The following RAP1GAP2 variants were observed in gnomAD, a reference collection of about 807,000 sequenced individuals.
RAP1GAP2 encodes the protein RAP1 GTPase activating protein 2, also known as rap1 GTPase-activating protein 2.
A neutral mutation model predicts 95.0 loss-of-function variants in RAP1GAP2; 27 were observed. The observed-to-expected ratio is 0.28, with a 90% confidence interval of 0.21 to 0.39. The LOEUF (loss-of-function observed/expected upper bound fraction) is 0.39. Among genes scored for constraint, RAP1GAP2 ranks in the 10% least tolerant of loss-of-function variants. The pLI, the probability that RAP1GAP2 is intolerant of heterozygous loss-of-function variation, is 1.00. For missense variants in RAP1GAP2, 771 were observed against 970.0 expected (o/e 0.79, Z 2.72); for synonymous variants, 373 against 380.9 (o/e 0.98, Z 0.24).
rs543276283 is a variant in RAP1GAP2 at position 2,906,470 on chromosome 17, C to T, written c.165+1102C>T. Among the ~76,000 whole-genome samples, 33 of 143,206 alleles carry T rather than the reference C, an allele frequency of 2.3e-4. No individual in the cohort carries two copies. Among genetic ancestry groups the T allele is most frequent in the Admixed American group, 9.6e-4 (14 of 14,534 alleles). The allele number at this position is 143,206 out of a possible 152,430, so 93.9% of individuals were successfully genotyped here. The stretch of plus-strand genomic sequence containing the variant: ...GGTGGGTTAAGTGGTCAGCGGTGGG[C>T]GGGGGGGCAGGACAGGGTGCAGGGC... On this transcript the variant is annotated intron_variant, in intron 3 of 24. Coordinates refer to ENST00000254695, the MANE Select transcript of RAP1GAP2 (RefSeq NM_015085.5). This position sits in a 1 kb window ranked among gnomAD's most constrained non-coding sequence, Gnocchi z 4.3.
intron 3 of RAP1GAP2, among the ~76,000 whole-genome samples, chr17:2,938,251 G>A (rs1183255818): frequency 6.6e-6 from 1 of 152,160 alleles, no homozygotes; most frequent in Non-Finnish European, 1.5e-5. Context: ...AACCCATGCA[G>A]CTTGTCAGCA....
In RAP1GAP2 at chr17:2,827,723, G is replaced by T. The variant is rs994716379; in HGVS notation, c.80+27173G>T. Among the ~76,000 whole-genome samples the T allele has an allele frequency of 3.9e-5, 6 of 151,998 alleles. No homozygotes were observed. The highest frequency in any genetic ancestry group is 9.7e-5 in the African/African-American group (4 of 41,360). On this transcript the variant is annotated intron_variant, in intron 2 of 24. Transcript: ENST00000254695. This position sits in a 1 kb window ranked among gnomAD's most constrained non-coding sequence, Gnocchi z 4.1. ...TCTTCTCCCAGCCCACCCGGCACCA[G>T]CCAGTTTGAGCTCTGACTGGGAACT...
Position 2,824,855 on chromosome 17 carries a change from G to C in RAP1GAP2, c.80+24305G>C, listed in dbSNP as rs1597379443. ...GGAGGCGGCGGCTGGAGATGCCTGT[G>C]GTGGTTCGAAAGGAAGCACCTGGAC... On this transcript the variant is annotated intron_variant, in intron 2 of 24. Transcript: ENST00000254695. Among the ~76,000 whole-genome samples, 4 of 152,138 alleles carry C rather than the reference G, an allele frequency of 2.6e-5. No homozygotes were observed. The South Asian group carries it at 6.3e-4, about 24-fold the overall frequency.
rs1401832391 is a variant in RAP1GAP2, at chr17:2,981,364, TAAG to T, written c.729+117_729+119del. On this transcript the variant is annotated intron_variant, in intron 10 of 24. Transcript: ENST00000254695. ...GTGGGGTTTCGTGGGGTCTCCATAA[TAAG>T]CTTCCATGTCTCCCTCTCTCCCTGC... 71 of 934,080 alleles carry T rather than the reference TAAG, an allele frequency of 7.6e-5. No individual in the cohort carries two copies. The South Asian group carries it at 9.9e-4, about 13-fold the overall frequency. The allele number at this position is 934,080 out of a possible 1,614,324, so 57.9% of individuals were successfully genotyped here. A position where few individuals can be genotyped will look rare whatever the true frequency, so the allele number is the denominator to read the frequency against.
At chr17:2,770,420 C>T (rs1029144796) in exon 2 of RAP1GAP2, 3 of 398,574 alleles carry the variant, frequency 7.5e-6, no homozygotes, top group Admixed American at 4.4e-5. Context: ...CATCCTCAGC[C>T]GGGCTGACCT....
intron 3 of RAP1GAP2, among the ~76,000 whole-genome samples, chr17:2,935,847 C>T (rs1479900868): frequency 6.6e-6 from 1 of 152,188 alleles, no homozygotes; most frequent in East Asian, 1.9e-4. Flanking sequence ...ATGCTCTCTT[C>T]ACCGGATTGC....
rs397976670 is a variant in RAP1GAP2 at position 2,771,499 on chromosome 17, G to GT, written c.167+1066dup. ...AGCCACTTTTTTGTTTTTTTTTTTT[G>GT]TTTTTTTTTTTTAGATAGAGTTTTG... On this transcript the variant is annotated intron_variant, in intron 2 of 25. Transcript: ENST00000637138. Among the ~76,000 whole-genome samples, 122 of 124,720 alleles carry GT rather than the reference G, an allele frequency of 9.8e-4. 1 individual carries two copies. The highest frequency in any genetic ancestry group is 4.1e-3 in the Middle Eastern group (1 of 242). The allele number at this position is 124,720 out of a possible 152,430, so 81.8% of individuals were successfully genotyped here. A position where few individuals can be genotyped will look rare whatever the true frequency, so the allele number is the denominator to read the frequency against.
chr17:2,823,550 G>T (rs938578135), intron 2 of RAP1GAP2, among the ~76,000 whole-genome samples: 2 of 152,150 alleles, frequency 1.3e-5, no homozygotes, highest in Non-Finnish European at 2.9e-5. Context: ...AGTGGAGGTG[G>T]TCCTGGACGC....
At chr17:2,854,961 G>A (rs2072070597) in intron 2 of RAP1GAP2, among the ~76,000 whole-genome samples, 1 of 152,160 alleles carries the variant, frequency 6.6e-6, no homozygotes, top group Admixed American at 6.5e-5. Flanking sequence ...TGACCCTGCT[G>A]GATCCTAGTT....
At chr17:2,819,690 ACTC>A (rs2070196738) in intron 2 of RAP1GAP2, among the ~76,000 whole-genome samples, 1 of 145,858 alleles carries the variant, frequency 6.9e-6, no homozygotes, top group African/African-American at 2.5e-5. Context: ...CTGGTCTTGA[ACTC>A]CTGACCTCAG....
chr17:3,006,899 T>G (rs1461198529), intron 16 of RAP1GAP2, among the ~76,000 whole-genome samples: 3 of 152,064 alleles, frequency 2.0e-5, no homozygotes, highest in Admixed American at 6.6e-5. Flanking sequence ...GTGCCAGCAC[T>G]AGGCTGGGAT....
At chr17:2,898,676 C>T (rs2041922337) in intron 2 of RAP1GAP2, among the ~76,000 whole-genome samples, 1 of 152,242 alleles carries the variant, frequency 6.6e-6, no homozygotes, top group African/African-American at 2.4e-5. Context: ...CCCCGTCCAC[C>T]TCTGCCTTCT....
Position 3,029,103 on chromosome 17 carries a change from T to TTTTTG in RAP1GAP2, c.2108-1799_2108-1795dup, listed in dbSNP as rs150434444. Among the ~76,000 whole-genome samples the TTTTTG allele has an allele frequency of 4.6e-5, 7 of 152,070 alleles. No individual in the cohort carries two copies. The highest frequency in any genetic ancestry group is 1.3e-4 in the Admixed American group (2 of 15,274). The stretch of plus-strand genomic sequence containing the variant: ...GTGAGCCACCGCGCCTGACCTGGTG[T>TTTTTG]TTTTGTTTTGTTTTGTTTTGTTTTC... On this transcript the variant is annotated intron_variant, in intron 22 of 24. Coordinates refer to ENST00000254695, the MANE Select transcript of RAP1GAP2 (RefSeq NM_015085.5). The surrounding 1 kb of genome is among the most constrained non-coding windows in gnomAD (Gnocchi z 4.4).
intron 3 of RAP1GAP2, among the ~76,000 whole-genome samples, chr17:2,932,849 G>A (rs1270949993): frequency 6.8e-6 from 1 of 147,772 alleles, no homozygotes. Context: ...AAAAAGAGCA[G>A]GGACCACGGG....
chr17:2,957,655 G>A, intron 3 of RAP1GAP2, 104 bp from the exon 4 acceptor site: 3 of 1,295,174 alleles, frequency 2.3e-6, no homozygotes, highest in Non-Finnish European at 3.2e-6. Flanking sequence ...TTGTCCCTGG[G>A]GAAGCCCCAG....
Position 2,827,380 on chromosome 17 carries a change from A to T in RAP1GAP2, c.80+26830A>T, listed in dbSNP as rs1254579919. ...AGTCAGGGAGGCAGATGAGAACAGA[A>T]TGAAGAACGCAGATGGTTTCAGACA... On this transcript the variant is annotated intron_variant, in intron 2 of 24. Coordinates refer to ENST00000254695, the MANE Select transcript of RAP1GAP2 (RefSeq NM_015085.5). The surrounding 1 kb of genome is among the most constrained non-coding windows in gnomAD (Gnocchi z 4.1). Among the ~76,000 whole-genome samples, 1 of 150,248 alleles carries T rather than the reference A, an allele frequency of 6.7e-6. No homozygotes were observed. Among genetic ancestry groups the T allele is most frequent in the Non-Finnish European group, 1.5e-5 (1 of 67,558 alleles).
In RAP1GAP2 at chr17:2,933,106, C is replaced by T. The variant is rs138936158; in HGVS notation, c.166-24653C>T. ...CTCCTCCATGAGCCAGCCAGCCAGACAGTGGGCAGGAGAGGGCGGGAAGAG... is the reference window on the plus strand; with the variant it reads ...CTCCTCCATGAGCCAGCCAGCCAGATAGTGGGCAGGAGAGGGCGGGAAGAG... On this transcript the variant is annotated intron_variant, in intron 3 of 24. Transcript: ENST00000254695. Among the ~76,000 whole-genome samples, 754 of 152,290 alleles carry T rather than the reference C, an allele frequency of 5.0e-3. 7 individuals are homozygous for T. Among genetic ancestry groups the T allele is most frequent in the African/African-American group, 0.017 (706 of 41,554 alleles).
Position 2,917,947 on chromosome 17 carries a change from C to T in RAP1GAP2, c.165+12579C>T, listed in dbSNP as rs180752477. On this transcript the variant is annotated intron_variant, in intron 3 of 24. Transcript: ENST00000254695. ...GCCAGGCTGGTGTCAAACTCCTGAC[C>T]TCAGGTGATCCACCTGCCTCGGCCT... Among the ~76,000 whole-genome samples the T allele has an allele frequency of 3.2e-4, 48 of 152,158 alleles. 1 individual carries two copies. The highest frequency in any genetic ancestry group is 2.6e-3 in the Admixed American group (40 of 15,280).
rs371344828 is a variant in RAP1GAP2, at chr17:2,977,614, G to C, written c.597-2673G>C. On this transcript the variant is annotated intron_variant, in intron 8 of 24. Transcript: ENST00000254695. ...ATAAAAATTAGCTGGGCGTGGTGGC[G>C]CATGCCTGTAATCCCAGCTACTCGG... is the stretch of plus-strand genomic sequence containing the variant. Among the ~76,000 whole-genome samples the C allele has an allele frequency of 1.1e-4, 17 of 151,816 alleles. 2 individuals carry two copies. The highest frequency in any genetic ancestry group is 2.0e-4 in the Admixed American group (3 of 15,240).
Sources: gnomAD v4.1 joint callset for allele counts (sites outside exome capture counted in the v4.1 genomes callset) on GRCh38, gnomAD v4.1.1 for gene constraint, Gnocchi (gnomAD v3.1) non-coding constraint, MANE v1.5 for transcripts, NCBI Gene and HGNC (gene_info 2026-07-23, HGNC 2026-07-21) for gene names.